Variants in BTBD10 observed in about 807,000 individuals in gnomAD.
The protein encoded by BTBD10 is BTB domain containing 10.
In BTBD10, 21 loss-of-function variants were observed where a neutral mutation model predicts 53.2. The observed-to-expected ratio is 0.39, with a 90% CI of 0.28 to 0.57. The LOEUF is 0.57. Ranked by LOEUF, BTBD10 falls within the 20% of genes least tolerant of loss-of-function variation. BTBD10 has a pLI of 0.53. For synonymous variants in BTBD10, 149 were observed against 192.7 expected, an observed-to-expected ratio of 0.77 and a Z score of 1.88; for missense variants, 360 against 594.7, an observed-to-expected ratio of 0.61 and a Z score of 4.10.
chr11:13,393,119 C>T (rs531738425), intron 8 of BTBD10, among the ~76,000 whole-genome samples: 25 of 152,284 alleles, frequency 1.6e-4, no homozygotes, highest in Middle Eastern at 3.4e-3. Flanking sequence ...ATTATTTGTG[C>T]TTTCCCACAA....
intron 2 of BTBD10, among the ~76,000 whole-genome samples, chr11:13,435,270 A>G (rs921368642): frequency 1.3e-5 from 2 of 152,200 alleles, no homozygotes; most frequent in Non-Finnish European, 2.9e-5. Context: ...ATAGTCATTC[A>G]TTCAACAAAT....
At chr11:13,451,343 G>A (rs574397473) in intron 1 of BTBD10, among the ~76,000 whole-genome samples, 1 of 152,162 alleles carries the variant, frequency 6.6e-6, no homozygotes, top group East Asian at 1.9e-4. Flanking sequence ...TACTGGTTAG[G>A]GTATCAGAGG....
At chr11:13,443,845 A>T (rs1950706943) in intron 2 of BTBD10, among the ~76,000 whole-genome samples, 1 of 152,116 alleles carries the variant, frequency 6.6e-6, no homozygotes, top group African/African-American at 2.4e-5. Flanking sequence ...CGGCCTCCCA[A>T]AGTGTTGGGA....
intron 3 of BTBD10, among the ~76,000 whole-genome samples, chr11:13,420,917 C>T (rs994314601): frequency 2.6e-5 from 4 of 152,154 alleles, no homozygotes; most frequent in African/African-American, 9.7e-5. Context: ...CTTCAAGGAT[C>T]AACTGAAACA....
chr11:13,448,824 C>A (rs1950796963), intron 1 of BTBD10, among the ~76,000 whole-genome samples: 1 of 152,092 alleles, frequency 6.6e-6, no homozygotes, highest in Admixed American at 6.6e-5. Flanking sequence ...CACTTGAATC[C>A]CCAATGTCCA....
At chr11:13,430,395 A>G (rs1014997656) in intron 2 of BTBD10, among the ~76,000 whole-genome samples, 2 of 152,220 alleles carry the variant, frequency 1.3e-5, no homozygotes, top group African/African-American at 4.8e-5. Flanking sequence ...CATGTATGAA[A>G]TGGAACTCTC....
chr11:13,456,626 T>C (rs1048913575), intron 1 of BTBD10, among the ~76,000 whole-genome samples: 6 of 152,206 alleles, frequency 3.9e-5, no homozygotes, highest in Admixed American at 1.3e-4. Context: ...GCTAATTTCA[T>C]AGTATATAAA....
chr11:13,393,711 G>A (rs138148305), intron 8 of BTBD10, among the ~76,000 whole-genome samples: 7 of 152,166 alleles, frequency 4.6e-5, no homozygotes, highest in Admixed American at 1.3e-4. Flanking sequence ...ATCATAGATT[G>A]TAGTACACAG....
At chr11:13,449,768 T>C (rs976035576) in intron 1 of BTBD10, among the ~76,000 whole-genome samples, 3 of 152,204 alleles carry the variant, frequency 2.0e-5, no homozygotes, top group African/African-American at 4.8e-5. Context: ...GCAAGAGAAC[T>C]TGGGTGAGAG....
chr11:13,431,917 C>T (rs1159525676), intron 2 of BTBD10, among the ~76,000 whole-genome samples: 3 of 151,836 alleles, frequency 2.0e-5, no homozygotes, highest in Non-Finnish European at 4.4e-5. Context: ...CTAATTAATA[C>T]GTACAGAGTT....
intron 8 of BTBD10, among the ~76,000 whole-genome samples, chr11:13,391,595 CAA>C (rs1949406156): frequency 6.6e-6 from 1 of 152,154 alleles, no homozygotes; most frequent in Non-Finnish European, 1.5e-5. Context: ...AATATTTGAA[CAA>C]AGAGTGAATG....
chr11:13,458,963 A>C (rs918266975), intron 1 of BTBD10, among the ~76,000 whole-genome samples: 7 of 152,102 alleles, frequency 4.6e-5, no homozygotes, highest in African/African-American at 7.2e-5. Flanking sequence ...AAAACAAGAA[A>C]ATCATAACAA....
intron 2 of BTBD10, among the ~76,000 whole-genome samples, chr11:13,423,552 C>T (rs944012388): frequency 3.3e-5 from 5 of 152,234 alleles, no homozygotes; most frequent in African/African-American, 9.6e-5. Context: ...TTAGTAGAAA[C>T]GCTAATAACA....
intron 2 of BTBD10, among the ~76,000 whole-genome samples, chr11:13,428,066 T>C (rs1176262570): frequency 1.3e-5 from 2 of 151,974 alleles, no homozygotes; most frequent in Non-Finnish European, 2.9e-5. Flanking sequence ...GTCAATAAAA[T>C]TGTTAAACCT....
intron 8 of BTBD10, among the ~76,000 whole-genome samples, chr11:13,396,768 C>G (rs138463472): frequency 4.7e-4 from 71 of 152,244 alleles, no homozygotes; most frequent in African/African-American, 1.6e-3. Flanking sequence ...TGAATTTTAT[C>G]AAAGGCCTTT....
At chr11:13,459,146 T>C (rs1951037182) in intron 1 of BTBD10, among the ~76,000 whole-genome samples, 1 of 149,390 alleles carries the variant, frequency 6.7e-6, no homozygotes, top group African/African-American at 2.4e-5. Context: ...AAGCTCCGCC[T>C]CCCGGGTTCA....
intron 3 of BTBD10, among the ~76,000 whole-genome samples, chr11:13,420,391 T>C (rs562339740): frequency 6.6e-6 from 1 of 152,102 alleles, no homozygotes; most frequent in African/African-American, 2.4e-5. Context: ...TTTCTTCTCA[T>C]GTTTGTTGAA....
At chr11:13,409,996 G>A (rs914683591) in intron 6 of BTBD10, among the ~76,000 whole-genome samples, 4 of 152,116 alleles carry the variant, frequency 2.6e-5, no homozygotes, top group East Asian at 1.9e-4. Flanking sequence ...CTGGGAAGTC[G>A]GTGAGGAAGG....
In BTBD10 at chr11:13,433,513, T is replaced by C. The variant is rs557320707; in HGVS notation, c.101+11511A>G. Among the ~76,000 whole-genome samples the C allele has an allele frequency of 1.1e-4, 16 of 152,360 alleles. 1 individual carries two copies. The highest frequency in any genetic ancestry group is 9.8e-4 in the Admixed American group (15 of 15,310). On this transcript the variant is annotated intron_variant, in intron 2 of 8. Transcript: ENST00000278174. The stretch of plus-strand genomic sequence containing the variant: ...GATCCTCTGTTTCGGTTTTTTAAAC[T>C]AAAGCTTTTAAATGACTTTATATTA...
Sources: allele counts gnomAD v4.1 joint callset (sites outside exome capture counted in the v4.1 genomes callset), GRCh38; gene constraint gnomAD v4.1.1; transcripts MANE v1.5; gene names NCBI Gene and HGNC (gene_info 2026-07-23, HGNC 2026-07-21).